The following POLDIP3 variants were observed in gnomAD, a reference collection of about 807,000 sequenced individuals.
POLDIP3 encodes the protein polymerase delta-interacting protein 3.
A neutral mutation model predicts 45.1 loss-of-function variants in POLDIP3; 14 were observed. That is an observed-to-expected ratio of 0.31 (90% CI 0.20 to 0.49). The LOEUF (loss-of-function observed/expected upper bound fraction) is 0.49. Among genes scored for constraint, POLDIP3 ranks in the 20% least tolerant of loss-of-function variants. POLDIP3 has a pLI of 0.99. For missense variants in POLDIP3, 511 were observed against 538.8 expected (o/e 0.95, Z 0.51); for synonymous variants, 223 against 205.2 (o/e 1.09, Z -0.74).
At chr22:42,611,144 A>G (rs1483270833) in intron 1 of POLDIP3, among the ~76,000 whole-genome samples, 1 of 152,166 alleles carries the variant, frequency 6.6e-6, no homozygotes, top group African/African-American at 2.4e-5. Flanking sequence ...GGCCTAGGTA[A>G]TAATAATGGT....
At chr22:42,598,530 C>A (rs1161226502) in intron 4 of POLDIP3, among the ~76,000 whole-genome samples, 1 of 152,144 alleles carries the variant, frequency 6.6e-6, no homozygotes, top group East Asian at 1.9e-4. Flanking sequence ...GGATTACAGG[C>A]GTGAGCCACC....
chr22:42,588,372 G>A (rs541651624), intron 7 of POLDIP3, among the ~76,000 whole-genome samples: 4 of 151,162 alleles, frequency 2.6e-5, no homozygotes, highest in South Asian at 4.2e-4. Context: ...GGAGAATGGC[G>A]TGAACCTGGG....
chr22:42,590,372 C>A (rs899305686), intron 7 of POLDIP3, among the ~76,000 whole-genome samples: 4 of 152,168 alleles, frequency 2.6e-5, no homozygotes, highest in African/African-American at 9.6e-5. Context: ...TTTTTTGAGA[C>A]AGGGTCTTGC....
At chr22:42,596,092 C>A in intron 5 of POLDIP3, 94 bp downstream of exon 5, 1 of 1,380,762 alleles carries the variant, frequency 7.2e-7, no homozygotes, top group South Asian at 1.3e-5. Context: ...TGGCAATGCC[C>A]ACCTCACAAA....
chr22:42,585,949 A>G lies in POLDIP3; in HGVS notation c.1108T>C (p.Ser370Pro). The change falls in exon 9 of 9, where the codon TCA becomes CCA. Residue 370 changes from serine to proline, a missense_variant. By Grantham distance (74) the Ser-to-Pro change is moderately conservative (BLOSUM62 -1). Coordinates refer to ENST00000252115, the MANE Select transcript of POLDIP3 (RefSeq NM_032311.5). ...PILLRLSDSP[S>P]MKKESELPRR... ...GGCAGCTCGCTCTCCTTTTTCATTG[A>G]TGGGCTGTCACTCAGCCGCCTGTGG... 1 of 1,612,762 alleles carries G rather than the reference A, an allele frequency of 6.2e-7. No individual in the cohort carries two copies. The highest frequency in any genetic ancestry group is 8.5e-7 in the Non-Finnish European group (1 of 1,179,422).
In POLDIP3 at chr22:42,595,528, A is replaced by G. The variant is rs375426292; in HGVS notation, c.891+9T>C. On this transcript the variant is annotated intron_variant, in intron 6 of 8. Transcript: ENST00000252115. ...GAGATTTAAATGTTTGGTAGGTCAC[A>G]GTACTTACAACAATGTCCTCCTCAG... 49 of 1,612,214 alleles carry G rather than the reference A, an allele frequency of 3.0e-5. No individual in the cohort carries two copies. The highest frequency in any genetic ancestry group is 3.8e-5 in the Non-Finnish European group (45 of 1,178,312).
intron 4 of POLDIP3, chr22:42,597,642 A>G (rs758087074): frequency 6.6e-6 from 3 of 455,816 alleles, no homozygotes; most frequent in Non-Finnish European, 1.3e-5. Context: ...CATTTATTCA[A>G]TTAGGGTATC....
At chr22:42,613,936 C>T (rs1361586732) in intron 1 of POLDIP3, among the ~76,000 whole-genome samples, 1 of 152,162 alleles carries the variant, frequency 6.6e-6, no homozygotes, top group Non-Finnish European at 1.5e-5. Flanking sequence ...CTCACGAAGG[C>T]TTGAAATGAC....
At chr22:42,595,417 C>A (rs1178696013) in intron 6 of POLDIP3, 120 bp downstream of exon 6, 5 of 859,992 alleles carry the variant, frequency 5.8e-6, no homozygotes, top group African/African-American at 3.3e-5. Flanking sequence ...CAGCCCTGAG[C>A]GTGACTATAT....
At chr22:42,595,446 T>C (rs1220042094) in intron 6 of POLDIP3, 91 bp downstream of exon 6, 3 of 1,136,228 alleles carry the variant, frequency 2.6e-6, no homozygotes, top group Non-Finnish European at 4.0e-6. Flanking sequence ...TGGTGAGTCC[T>C]AGCAGTCATC....
chr22:42,614,122 C>G (rs144645153), intron 1 of POLDIP3, among the ~76,000 whole-genome samples: 2 of 152,336 alleles, frequency 1.3e-5, no homozygotes, highest in African/African-American at 4.8e-5. Context: ...TTAAATCGCG[C>G]TCAGCCCGCC....
rs374659326 is a variant in POLDIP3, at chr22:42,602,867, C to A, written c.353G>T (p.Arg118Leu). 1 of 1,613,618 alleles carries A rather than the reference C, an allele frequency of 6.2e-7. No homozygotes were observed. The highest frequency in any genetic ancestry group is 8.5e-7 in the Non-Finnish European group (1 of 1,180,012). Residue 118 changes from arginine to leucine, a missense_variant, in exon 2 of 9, where the codon CGG becomes CTG. Physicochemically the swap from Arg to Leu is moderately radical, Grantham distance 102. This residue lies in a region of POLDIP3 where 378 missense variants were observed against 352.3 expected (regional missense o/e 1.07). Coordinates refer to ENST00000252115, the MANE Select transcript of POLDIP3 (RefSeq NM_032311.5). Reference protein sequence around the residue: ...PQKPRQVADAREKISLKRSSP... With the variant: ...PQKPRQVADALEKISLKRSSP... ...ACTCCTCTTCAAGCTGATCTTCTCC[C>A]GGGCATCAGCAACCTGGCGGGGCTT... is the stretch of plus-strand genomic sequence containing the variant.
intron 6 of POLDIP3, among the ~76,000 whole-genome samples, chr22:42,593,650 C>G (rs1411714664): frequency 6.6e-6 from 1 of 152,190 alleles, no homozygotes; most frequent in Non-Finnish European, 1.5e-5. Flanking sequence ...TCCTGAGTAG[C>G]TGGGACTACA....
At chr22:42,611,675 G>A (rs1166350960) in intron 1 of POLDIP3, among the ~76,000 whole-genome samples, 2 of 152,130 alleles carry the variant, frequency 1.3e-5, no homozygotes, top group African/African-American at 4.8e-5. Flanking sequence ...AGGAATTCAA[G>A]ACCAGCCTGA....
rs570109424 is a variant in POLDIP3 at position 42,609,282 on chromosome 22, T to C, written c.59+5517A>G. ...GAGGGCGAAGGAGGAAGGTTTTGAC[T>C]GAGTCTCGTAATGCCCCACCTCCAT... On this transcript the variant is annotated intron_variant, in intron 1 of 8. Coordinates refer to ENST00000252115, the MANE Select transcript of POLDIP3 (RefSeq NM_032311.5). 2.6e-5 allele frequency among the ~76,000 whole-genome samples: 4 copies of C among 152,352 alleles called. No individual in the cohort carries two copies. In the East Asian group the frequency reaches 5.8e-4, roughly 22 times the overall value.
In POLDIP3 at chr22:42,611,364, C is replaced by T. The variant is rs148833776; in HGVS notation, c.59+3435G>A. Among the ~76,000 whole-genome samples the T allele has an allele frequency of 1.1e-4, 16 of 152,278 alleles. No homozygotes were observed. The East Asian group carries it at 2.5e-3, about 24-fold the overall frequency. On this transcript the variant is annotated intron_variant, in intron 1 of 8. Coordinates refer to ENST00000252115, the MANE Select transcript of POLDIP3 (RefSeq NM_032311.5). ...CTCACAAGGTGTGAGGAACACAAAA[C>T]AGAATGGCTGCTTTTGAGAACAAGC...
At chr22:42,588,723 G>A (rs1925480232) in intron 7 of POLDIP3, among the ~76,000 whole-genome samples, 1 of 151,464 alleles carries the variant, frequency 6.6e-6, no homozygotes, top group Non-Finnish European at 1.5e-5. Context: ...CCGCCTCCTG[G>A]GTTCAAGCGA....
chr22:42,589,359 AAAC>A (rs1434699650), intron 7 of POLDIP3, among the ~76,000 whole-genome samples: 8 of 152,360 alleles, frequency 5.3e-5, no homozygotes, highest in African/African-American at 1.9e-4. Context: ...ATATACTTTA[AAAC>A]AACAAAAAAA....
rs1301868365 is a variant in POLDIP3, at chr22:42,584,988, G to C, written c.*803C>G. The C allele has an allele frequency of 2.2e-6, 1 of 456,210 alleles. No homozygotes were observed. Among genetic ancestry groups the C allele is most frequent in the South Asian group, 1.5e-5 (1 of 64,568 alleles). 28.3% of individuals were successfully genotyped at this position (456,210 alleles called of 1,614,324 possible). A position where few individuals can be genotyped will look rare whatever the true frequency, so the allele number is the denominator to read the frequency against. On this transcript the variant is annotated 3_prime_UTR_variant, in exon 9 of 9. Transcript: ENST00000252115. ...CTACACAAAACCAGGGTGTGGTTAAGTGCCAGGCGAGGTGAGAACCGGGAG... is the reference window on the plus strand; with the variant it reads ...CTACACAAAACCAGGGTGTGGTTAACTGCCAGGCGAGGTGAGAACCGGGAG...
Sources: gnomAD v4.1 joint callset for allele counts (sites outside exome capture counted in the v4.1 genomes callset) on GRCh38, gnomAD v4.1.1 for gene constraint, gnomAD v4.1.1 regional missense constraint, MANE v1.5 for transcripts, NCBI Gene and HGNC (gene_info 2026-07-23, HGNC 2026-07-21) for gene names.